The following LINC00305 variants were observed in gnomAD, a reference collection of about 807,000 sequenced individuals.
The protein encoded by LINC00305 is long independently transcribed non-coding RNA 305.
chr18:64,092,046 A>T lies in LINC00305; in HGVS notation n.540+5788T>A, dbSNP rs184289102. On this transcript the variant is annotated intron_variant and non_coding_transcript_variant, in intron 3 of 3. Transcript: ENST00000666468. ...AAAAATGGATTAGTTCATAAGGCAC[A>T]ATTTCTGCCCTTAGGAAACTTAAAT... Among the ~76,000 whole-genome samples the T allele has an allele frequency of 2.8e-4, 42 of 152,326 alleles. No homozygotes were observed. The East Asian group carries it at 5.8e-3, about 21-fold the overall frequency.
At chr18:64,105,034 C>G (rs1223850979) in intron 1 of LINC00305, among the ~76,000 whole-genome samples, 3 of 152,098 alleles carry the variant, frequency 2.0e-5, no homozygotes, top group Non-Finnish European at 4.4e-5. Flanking sequence ...GCTCCCCTCT[C>G]TTTACCTCCT....
chr18:64,135,090 C>G (rs900407772), intron 1 of LINC00305, among the ~76,000 whole-genome samples: 1 of 152,152 alleles, frequency 6.6e-6, no homozygotes, highest in African/African-American at 2.4e-5. Context: ...GAACCGTGTT[C>G]CAGGCCTGTC....
chr18:64,089,411 T>C (rs1229173863), intron 3 of LINC00305, among the ~76,000 whole-genome samples: 1 of 152,184 alleles, frequency 6.6e-6, no homozygotes, highest in Non-Finnish European at 1.5e-5. Flanking sequence ...TTATAAACTA[T>C]CCAGTCTCAG....
chr18:64,134,934 G>A (rs759907948), intron 1 of LINC00305, among the ~76,000 whole-genome samples: 4 of 152,168 alleles, frequency 2.6e-5, no homozygotes, highest in Non-Finnish European at 5.9e-5. Context: ...AACAGATAAT[G>A]TCTGCATTCG....
intron 1 of LINC00305, among the ~76,000 whole-genome samples, chr18:64,099,094 T>A (rs541966527): frequency 1.3e-5 from 2 of 152,292 alleles, no homozygotes; most frequent in East Asian, 3.9e-4. Flanking sequence ...CTCCTTCTTA[T>A]CACCAATCAT....
intron 3 of LINC00305, among the ~76,000 whole-genome samples, chr18:64,096,086 TTTA>T (rs2051244051): frequency 2.0e-5 from 3 of 151,796 alleles, no homozygotes; most frequent in African/African-American, 7.3e-5. Context: ...CTTAAAAGAG[TTTA>T]TTAAGGATAG....
intron 1 of LINC00305, among the ~76,000 whole-genome samples, chr18:64,099,063 GTC>G (rs1257393145): frequency 6.6e-5 from 10 of 152,128 alleles, no homozygotes; most frequent in Admixed American, 6.6e-4. Context: ...AAGATATCCT[GTC>G]TCTATTCCTG....
At chr18:64,121,756 G>T (rs1252841334) in intron 1 of LINC00305, among the ~76,000 whole-genome samples, 11 of 152,084 alleles carry the variant, frequency 7.2e-5, no homozygotes, top group Non-Finnish European at 1.6e-4. Flanking sequence ...TAGTTTTTGA[G>T]AAATCACCAT....
chr18:64,138,250 C>G, intron 1 of LINC00305, among the ~76,000 whole-genome samples: 1 of 152,136 alleles, frequency 6.6e-6, no homozygotes, highest in East Asian at 1.9e-4. Context: ...CTCTCATTAC[C>G]TCTTTTTTTC....
chr18:64,110,933 T>C (rs1321112596), intron 1 of LINC00305, among the ~76,000 whole-genome samples: 6 of 152,158 alleles, frequency 3.9e-5, no homozygotes, highest in African/African-American at 1.4e-4. Context: ...AAAGCACTTC[T>C]CCGTTTCCAA....
intron 1 of LINC00305, among the ~76,000 whole-genome samples, chr18:64,112,360 A>G (rs1348336626): frequency 6.6e-6 from 1 of 150,758 alleles, no homozygotes; most frequent in African/African-American, 2.4e-5. Flanking sequence ...AAAAAATCCT[A>G]CCTTGTTTGT....
chr18:64,081,727 A>G (rs1302041199), intron 3 of LINC00305, among the ~76,000 whole-genome samples: 3 of 152,196 alleles, frequency 2.0e-5, no homozygotes, highest in African/African-American at 7.2e-5. Context: ...AATTTTGAAA[A>G]GCCCAAGCTG....
intron 1 of LINC00305, among the ~76,000 whole-genome samples, chr18:64,102,573 T>G (rs1436795237): frequency 6.6e-6 from 1 of 152,172 alleles, no homozygotes; most frequent in Non-Finnish European, 1.5e-5. Flanking sequence ...TATTAGGCCA[T>G]TCTTTCATTG....
chr18:64,099,376 C>T (rs1488000046), intron 1 of LINC00305, among the ~76,000 whole-genome samples: 1 of 152,080 alleles, frequency 6.6e-6, no homozygotes, highest in Non-Finnish European at 1.5e-5. Context: ...CGTAGAAACT[C>T]ATAGCCTCAT....
chr18:64,102,274 G>A (rs1428226464), intron 1 of LINC00305, among the ~76,000 whole-genome samples: 1 of 152,060 alleles, frequency 6.6e-6, no homozygotes, highest in Non-Finnish European at 1.5e-5. Context: ...GATCTAGTGA[G>A]CTAAGACATA....
chr18:64,104,541 G>T (rs557533744), intron 1 of LINC00305, among the ~76,000 whole-genome samples: 3 of 152,200 alleles, frequency 2.0e-5, no homozygotes, highest in Non-Finnish European at 4.4e-5. Flanking sequence ...CTTTGGTTCA[G>T]ATTTTGACAA....
rs938351980 is a variant in LINC00305 at position 64,128,470 on chromosome 18, C to T, written n.314+20305G>A. Among the ~76,000 whole-genome samples, 4 of 152,092 alleles carry T rather than the reference C, an allele frequency of 2.6e-5. No homozygotes were observed. In the East Asian group the frequency reaches 7.7e-4, roughly 29 times the overall value. On this transcript the variant is annotated intron_variant and non_coding_transcript_variant, in intron 1 of 3. Coordinates refer to ENST00000666468, the Ensembl canonical transcript of LINC00305. ...TGTTATTTTATTTAAAGCTTCACAA[C>T]TACAGTCTTGGTGGGTGTGTTCAAC...
At chr18:64,119,543 G>T (rs767416101) in intron 1 of LINC00305, among the ~76,000 whole-genome samples, 14 of 152,058 alleles carry the variant, frequency 9.2e-5, no homozygotes, top group Non-Finnish European at 1.9e-4. Flanking sequence ...ACTAAAGAAG[G>T]TCTCATAACT....
chr18:64,114,043 G>T (rs2051326711), intron 1 of LINC00305, among the ~76,000 whole-genome samples: 1 of 152,216 alleles, frequency 6.6e-6, no homozygotes, highest in African/African-American at 2.4e-5. Flanking sequence ...ACCGAGGCGG[G>T]CGGATCACAA....
Sources: gnomAD v4.1 joint callset for allele counts (sites outside exome capture counted in the v4.1 genomes callset) on GRCh38, gnomAD v4.1.1 for gene constraint, MANE v1.5 for transcripts, NCBI Gene and HGNC (gene_info 2026-07-23, HGNC 2026-07-21) for gene names.